GBE1: variants seen among roughly 807,000 people sequenced by gnomAD.
GBE1 encodes the protein 1,4-alpha-glucan-branching enzyme.
GBE1 carries 70 observed loss-of-function variants against 88.8 expected under a neutral mutation model. The observed-to-expected ratio is 0.79, with a 90% CI of 0.65 to 0.96. The LOEUF is 0.96. GBE1 is among the 40% of genes least tolerant of loss of function. GBE1 has a pLI of 0.00. For missense variants in GBE1, 872 were observed against 871.0 expected, an observed-to-expected ratio of 1.00 and a Z score of -0.01; for synonymous variants, 284 against 300.1, an observed-to-expected ratio of 0.95 and a Z score of 0.56.
intron 10 of GBE1, among the ~76,000 whole-genome samples, chr3:81,582,684 T>A (rs1422069957): frequency 6.6e-6 from 1 of 152,048 alleles, no homozygotes; most frequent in Non-Finnish European, 1.5e-5. Context: ...TGGATACCCA[T>A]GGGTAAAAAG....
chr3:81,545,430 G>A (rs9821673), intron 12 of GBE1, among the ~76,000 whole-genome samples: 23,822 of 152,020 alleles, frequency 0.16, 1,980 homozygotes, highest in Non-Finnish European at 0.2. Flanking sequence ...AATTTCTCTG[G>A]AGGTACAGAA....
At chr3:81,746,591 A>G (rs1264964177) in intron 1 of GBE1, among the ~76,000 whole-genome samples, 2 of 152,204 alleles carry the variant, frequency 1.3e-5, no homozygotes, top group Non-Finnish European at 2.9e-5. Flanking sequence ...ATAAAAAATC[A>G]AATTAAAATG....
At chr3:81,622,844 A>T (rs533851570) in intron 7 of GBE1, among the ~76,000 whole-genome samples, 10 of 152,236 alleles carry the variant, frequency 6.6e-5, no homozygotes, top group South Asian at 4.1e-4. Context: ...TTCTTTTTTT[A>T]AATCAGTTAT....
intron 1 of GBE1, among the ~76,000 whole-genome samples, chr3:81,748,347 C>T (rs1706446802): frequency 2.0e-5 from 3 of 152,132 alleles, no homozygotes. Flanking sequence ...TGCGGTGGCT[C>T]ACGCCTATAA....
intron 1 of GBE1, among the ~76,000 whole-genome samples, chr3:81,711,926 C>T (rs1559695968): frequency 6.6e-6 from 1 of 152,026 alleles, no homozygotes; most frequent in Non-Finnish European, 1.5e-5. Context: ...GGCTAATATC[C>T]AGAATCTACA....
chr3:81,663,931 C>T (rs775331486), intron 3 of GBE1, among the ~76,000 whole-genome samples: 3 of 152,104 alleles, frequency 2.0e-5, no homozygotes, highest in Non-Finnish European at 2.9e-5. Flanking sequence ...TAATAATTTC[C>T]ATTTGTACCT....
At chr3:81,748,034 C>A (rs1706442117) in intron 1 of GBE1, among the ~76,000 whole-genome samples, 1 of 152,162 alleles carries the variant, frequency 6.6e-6, no homozygotes, top group African/African-American at 2.4e-5. Flanking sequence ...GCAGGAGAAT[C>A]ATTTCAAATG....
intron 7 of GBE1, among the ~76,000 whole-genome samples, chr3:81,608,749 C>T (rs1704134537): frequency 6.6e-6 from 1 of 152,146 alleles, no homozygotes; most frequent in Non-Finnish European, 1.5e-5. Context: ...CATAATGTGT[C>T]CAGTGCTTTA....
At chr3:81,628,558 T>C (rs1007821758) in intron 7 of GBE1, among the ~76,000 whole-genome samples, 1 of 151,962 alleles carries the variant, frequency 6.6e-6, no homozygotes, top group Non-Finnish European at 1.5e-5. Context: ...TCTTCATTAC[T>C]GCTAACATTG....
intron 7 of GBE1, among the ~76,000 whole-genome samples, chr3:81,610,891 T>C (rs1437787297): frequency 6.6e-6 from 1 of 152,104 alleles, no homozygotes; most frequent in Non-Finnish European, 1.5e-5. Context: ...TCCTTTAACA[T>C]AAACCTTCAT....
intron 7 of GBE1, among the ~76,000 whole-genome samples, chr3:81,598,260 C>A (rs1254830711): frequency 6.6e-6 from 1 of 151,800 alleles, no homozygotes; most frequent in Non-Finnish European, 1.5e-5. Flanking sequence ...AATGATGTTC[C>A]TCTTAGATAT....
At chr3:81,665,700 A>T (rs776692781) in intron 3 of GBE1, among the ~76,000 whole-genome samples, 7 of 152,194 alleles carry the variant, frequency 4.6e-5, no homozygotes, top group Non-Finnish European at 8.8e-5. Context: ...TCTGTAGGCA[A>T]AGTTACAAAG....
intron 12 of GBE1, among the ~76,000 whole-genome samples, chr3:81,539,783 CAG>C (rs1703120786): frequency 6.6e-6 from 1 of 151,924 alleles, no homozygotes; most frequent in South Asian, 2.1e-4. Context: ...AAAACGGTGA[CAG>C]AAAGTTTGGG....
At chr3:81,539,811 G>C (rs1289919759) in intron 12 of GBE1, among the ~76,000 whole-genome samples, 1 of 151,950 alleles carries the variant, frequency 6.6e-6, no homozygotes, top group Non-Finnish European at 1.5e-5. Flanking sequence ...AAGATAATGA[G>C]TTCAATTTTA....
At chr3:81,579,992 T>A (rs550454714) in intron 11 of GBE1, among the ~76,000 whole-genome samples, 1 of 152,150 alleles carries the variant, frequency 6.6e-6, no homozygotes, top group Non-Finnish European at 1.5e-5. Context: ...ATTTGGCCCA[T>A]GGGCCTTGAT....
At chr3:81,663,643 G>C (rs1705062448) in intron 3 of GBE1, among the ~76,000 whole-genome samples, 1 of 152,132 alleles carries the variant, frequency 6.6e-6, no homozygotes, top group South Asian at 2.1e-4. Context: ...CTTGTGACAG[G>C]GCAGAGGGTC....
intron 7 of GBE1, among the ~76,000 whole-genome samples, chr3:81,628,878 C>T (rs1704460543): frequency 1.4e-5 from 2 of 147,614 alleles, no homozygotes; most frequent in East Asian, 2.0e-4. Context: ...TCACTTATGC[C>T]TGAGTCATAT....
Position 81,718,125 on chromosome 3 carries a change from G to A in GBE1, c.144-12512C>T, listed in dbSNP as rs1032980142. ...CTCCTGAGTAGCTGGGACTACAGGC[G>A]TGCGCCACCACGCCTGGCCAATTTT... On this transcript the variant is annotated intron_variant, in intron 1 of 15. Coordinates refer to ENST00000429644, the MANE Select transcript of GBE1 (RefSeq NM_000158.4). Among the ~76,000 whole-genome samples the A allele has an allele frequency of 2.7e-4, 41 of 151,894 alleles. 1 individual carries two copies. Among genetic ancestry groups the A allele is most frequent in the South Asian group, 2.1e-4 (1 of 4,804 alleles).
rs188177281 is a variant in GBE1 at position 81,512,354 on chromosome 3, G to A, written c.1935-13127C>T. 1.2e-3 allele frequency among the ~76,000 whole-genome samples: 181 copies of A among 151,902 alleles called. 1 individual carries two copies. The highest frequency in any genetic ancestry group is 3.0e-3 in the Admixed American group (45 of 15,202). ...AACCTCATGTAACAAACCTGTACAT[G>A]TATGCTATGAATCTAAATAAAAGTA... On this transcript the variant is annotated intron_variant, in intron 14 of 15. Transcript: ENST00000429644.
Sources: gnomAD v4.1 joint callset for allele counts (sites outside exome capture counted in the v4.1 genomes callset) on GRCh38, gnomAD v4.1.1 for gene constraint, MANE v1.5 for transcripts, NCBI Gene and HGNC (gene_info 2026-07-23, HGNC 2026-07-21) for gene names.